Variants in NCOA4 observed in about 807,000 individuals in gnomAD.
NCOA4 encodes the protein 70 kDa AR-activator.
In NCOA4, 31 loss-of-function variants were observed where a neutral mutation model predicts 69.5. The observed-to-expected ratio is 0.45, with a 90% CI of 0.34 to 0.60. The LOEUF is 0.60. Ranked by LOEUF, NCOA4 falls within the 20% of genes least tolerant of loss-of-function variation. NCOA4 has a pLI of 0.02. For synonymous variants in NCOA4, 228 were observed against 252.4 expected (o/e 0.90, Z 0.92); for missense variants, 600 against 719.2 (o/e 0.83, Z 1.90).
At chr10:46,029,081 A>G (rs1242234495) in intron 1 of NCOA4, among the ~76,000 whole-genome samples, 1 of 151,930 alleles carries the variant, frequency 6.6e-6, no homozygotes, top group Non-Finnish European at 1.5e-5. Flanking sequence ...TAGTTCTAAA[A>G]TATCTTCTCT....
chr10:46,010,829 G>T lies in NCOA4; in HGVS notation c.1092C>A (p.Gly364=). ...AGTGGTCATTCAGGCACTTCAGATT[G>T]CCCAGGTTTTCAATCTCCACACCTT... ...QPKGVEIENL[G]NLKCLNDHLE... The change falls in exon 8 of 10, where the codon GGC becomes GGA. Residue 364 remains glycine, a synonymous_variant. Transcript: ENST00000581486. The T allele has an allele frequency of 1.2e-6, 2 of 1,613,922 alleles. No individual in the cohort carries two copies. The highest frequency in any genetic ancestry group is 1.7e-6 in the Non-Finnish European group (2 of 1,179,870).
At chr10:46,027,268 CAAAAAAA>C (rs34282889) in intron 1 of NCOA4, among the ~76,000 whole-genome samples, 1 of 79,708 alleles carries the variant, frequency 1.3e-5, no homozygotes, top group African/African-American at 5.1e-5. Context: ...GACTCCGTCT[CAAAAAAA>C]AAAAAAAAAA....
Position 46,010,356 on chromosome 10 carries a change from T to A in NCOA4, c.1565A>T (p.Lys522Met). 6.2e-7 allele frequency: 1 copy of A among 1,614,170 alleles called. No individual in the cohort carries two copies. The highest frequency in any genetic ancestry group is 8.5e-7 in the Non-Finnish European group (1 of 1,180,034). ...GGAAGTATTCATGGGGCTTTTAAACTTCTGTTTGCCAGCTCTGTCTTCAGT... is the reference window on the plus strand; with the variant it reads ...GGAAGTATTCATGGGGCTTTTAAACATCTGTTTGCCAGCTCTGTCTTCAGT... ...PGTEDRAGKQKFKSPMNTSWC... is the reference protein window; with the variant it reads ...PGTEDRAGKQMFKSPMNTSWC... Residue 522 changes from lysine to methionine, a missense_variant, in exon 8 of 10, where the codon AAG becomes ATG. Lys to Met is a moderately conservative substitution (Grantham distance 95). Coordinates refer to ENST00000581486, the MANE Select transcript of NCOA4 (RefSeq NM_001145263.2).
At chr10:46,009,927 G>A (rs1213976199) in intron 8 of NCOA4, among the ~76,000 whole-genome samples, 1 of 152,094 alleles carries the variant, frequency 6.6e-6, no homozygotes, top group African/African-American at 2.4e-5. Context: ...AGCAGTTTAG[G>A]AGACCAAGAC....
chr10:46,009,366 A>G (rs1839059603), intron 9 of NCOA4, 45 bp downstream of exon 9: 2 of 1,579,186 alleles, frequency 1.3e-6, no homozygotes, highest in South Asian at 2.3e-5. Flanking sequence ...CATTTATTTT[A>G]TAAATAGCTA....
intron 9 of NCOA4, among the ~76,000 whole-genome samples, chr10:46,008,562 C>A (rs1229438688): frequency 2.6e-5 from 4 of 152,158 alleles, no homozygotes; most frequent in Non-Finnish European, 4.4e-5. Flanking sequence ...TTGCTTCTTA[C>A]GGATGAGCAA....
rs773624546 is a variant in NCOA4, at chr10:46,005,994, TGTA to T, written c.*595_*597del. The T allele has an allele frequency of 4.4e-5, 9 of 206,176 alleles. No homozygotes were observed. The highest frequency in any genetic ancestry group is 6.9e-5 in the Non-Finnish European group (7 of 100,990). The allele number at this position is 206,176 out of a possible 1,614,324, so 12.8% of individuals were successfully genotyped here. On this transcript the variant is annotated 3_prime_UTR_variant, in exon 10 of 10. Coordinates refer to ENST00000581486, the MANE Select transcript of NCOA4 (RefSeq NM_001145263.2). ...GTAGCTGAGTTTAAGTGAAGAATAA[TGTA>T]GAACTAACGTGGGCTAAAATGTTTC...
intron 1 of NCOA4, among the ~76,000 whole-genome samples, chr10:46,017,274 C>T (rs375562846): frequency 1.3e-5 from 2 of 152,102 alleles, no homozygotes; most frequent in South Asian, 2.1e-4. Context: ...GGGCCGGGCA[C>T]GGTGGCTCAC....
chr10:46,016,778 A>G, intron 1 of NCOA4, 84 bp from the exon 2 acceptor site: 1 of 992,250 alleles, frequency 1.0e-6, no homozygotes, highest in Non-Finnish European at 1.3e-6. Flanking sequence ...TGATCATTCC[A>G]GCCAACTCCC....
chr10:46,015,059 C>G, intron 3 of NCOA4, 67 bp downstream of exon 3: 1 of 1,605,926 alleles, frequency 6.2e-7, no homozygotes, highest in South Asian at 1.1e-5. Flanking sequence ...CACTGCATTA[C>G]AAGGAAGATA....
chr10:46,012,954 G>T lies in NCOA4; in HGVS notation c.643C>A (p.Gln215Lys). ...TCGGTGCTGGGTATGTAAGGAGCTTGATAACCACTGGCAGGTTTGCTTCCA... is the reference window on the plus strand; with the variant it reads ...TCGGTGCTGGGTATGTAAGGAGCTTTATAACCACTGGCAGGTTTGCTTCCA... ...LLGSKPASGY[Q>K]APYIPSTDPQ... is the part of the protein sequence containing the mutation. The change falls in exon 7 of 10, where the codon CAA becomes AAA. Residue 215 changes from glutamine to lysine, a missense_variant. Coordinates refer to ENST00000581486, the MANE Select transcript of NCOA4 (RefSeq NM_001145263.2). The T allele has an allele frequency of 6.2e-7, 1 of 1,614,176 alleles. No homozygotes were observed. Among genetic ancestry groups the T allele is most frequent in the Non-Finnish European group, 8.5e-7 (1 of 1,180,024 alleles).
rs140435597 is a variant in NCOA4, at chr10:46,012,866, T to G, written c.714+17A>C. The G allele has an allele frequency of 1.4e-5, 23 of 1,613,480 alleles. No homozygotes were observed. Among genetic ancestry groups the G allele is most frequent in the Non-Finnish European group, 1.9e-5 (23 of 1,179,738 alleles). On this transcript the variant is annotated intron_variant, in intron 7 of 9. Transcript: ENST00000581486. Reference sequence around the variant, plus strand: ...ACTGCTGTGTCTACTGTAGAAACAATAAAAGCAGCAACAGACCTGACTGTT... The same window carrying G: ...ACTGCTGTGTCTACTGTAGAAACAAGAAAAGCAGCAACAGACCTGACTGTT...
intron 7 of NCOA4, 88 bp from the exon 8 acceptor site, chr10:46,011,294 G>T: frequency 7.5e-7 from 1 of 1,330,138 alleles, no homozygotes; most frequent in Non-Finnish European, 1.0e-6. Context: ...TTTTGAGACA[G>T]TCTCACTCTG....
chr10:46,011,623 C>T (rs1252050770), intron 7 of NCOA4, among the ~76,000 whole-genome samples: 1 of 152,012 alleles, frequency 6.6e-6, no homozygotes, highest in Admixed American at 6.6e-5. Flanking sequence ...TTTAAGTACA[C>T]AAAGCCAAAA....
chr10:46,023,374 A>T, intron 1 of NCOA4: 1 of 985,682 alleles, frequency 1.0e-6, no homozygotes. Flanking sequence ...GGCAAGCGAC[A>T]GGCTGCTTTA....
In NCOA4 at chr10:46,027,115, C is replaced by G. The variant is rs1333560357; in HGVS notation, c.-15+3411G>C. Among the ~76,000 whole-genome samples the G allele has an allele frequency of 2.0e-5, 3 of 151,956 alleles. No homozygotes were observed. In the South Asian group the frequency reaches 6.2e-4, roughly 32 times the overall value. ...GAAACCCCATCTCTACTAAAAAACA[C>G]AAAAAATTAGCTGGGCGTTGTGGCG... On this transcript the variant is annotated intron_variant, in intron 1 of 9. Transcript: ENST00000581486.
At position 46,010,936 on chromosome 10, in the gene NCOA4, T is replaced by C. The variant is rs782764594; in HGVS notation, c.985A>G (p.Lys329Glu). ...ACATTATAGGACTGGAATAAGAGCT[T>C]AAACTTCTCACTGGTTTCACGACTG... ...NGSRETSEKF[K>E]LLFQSYNVND... is the part of the protein sequence containing the mutation. The change falls in exon 8 of 10, where the codon AAG (lysine) becomes GAG (glutamate). Residue 329 changes from lysine to glutamate, a missense_variant. Lys to Glu is a moderately conservative substitution (Grantham distance 56). Transcript: ENST00000581486. 1.2e-6 allele frequency: 2 copies of C among 1,613,970 alleles called. No homozygotes were observed. Among genetic ancestry groups the C allele is most frequent in the Admixed American group, 1.7e-5 (1 of 60,018 alleles).
chr10:46,015,341 TA>T, intron 2 of NCOA4, 75 bp from the exon 3 acceptor site: 1 of 565,354 alleles, frequency 1.8e-6, no homozygotes, highest in Non-Finnish European at 2.7e-6. Flanking sequence ...AGTGAGTTTC[TA>T]AAACTTTTTT....
Position 46,012,070 on chromosome 10 carries a change from G to GAA in NCOA4, c.714+811_714+812dup, listed in dbSNP as rs71026286. Among the ~76,000 whole-genome samples the GAA allele has an allele frequency of 7.1e-3, 315 of 44,518 alleles. 17 individuals are homozygous for GAA. The highest frequency in any genetic ancestry group is 8.4e-3 in the Non-Finnish European group (205 of 24,400). 29.2% of individuals were successfully genotyped at this position (44,518 alleles called of 152,430 possible). On this transcript the variant is annotated intron_variant, in intron 7 of 9. Coordinates refer to ENST00000581486, the MANE Select transcript of NCOA4 (RefSeq NM_001145263.2). Reference sequence around the variant, plus strand: ...AGCAAGACTCGGTCTCAAAAAGAAAGAAAAAAAAAAAAAAAAAAAAAAAAA... The same window carrying GAA: ...AGCAAGACTCGGTCTCAAAAAGAAAGAAAAAAAAAAAAAAAAAAAAAAAAAAA...
Sources: gnomAD v4.1 joint callset for allele counts (sites outside exome capture counted in the v4.1 genomes callset) on GRCh38, gnomAD v4.1.1 for gene constraint, MANE v1.5 for transcripts, NCBI Gene and HGNC (gene_info 2026-07-23, HGNC 2026-07-21) for gene names.